The following WASHC4 variants were observed in gnomAD, a reference collection of about 807,000 sequenced individuals.
The protein encoded by WASHC4 is WASH complex subunit 7.
A neutral mutation model predicts 166.6 loss-of-function variants in WASHC4; 86 were observed. The observed-to-expected ratio is 0.52, with a 90% CI of 0.43 to 0.62. The LOEUF (loss-of-function observed/expected upper bound fraction) is 0.62. WASHC4 is among the 20% of genes least tolerant of loss of function. The probability of loss-of-function intolerance (pLI) is 0.00; values close to 1 mark genes in which losing one functional copy is unlikely to be tolerated. For synonymous variants in WASHC4, 446 were observed against 451.6 expected, an observed-to-expected ratio of 0.99 and a Z score of 0.16; for missense variants, 1,262 against 1,382.4, an observed-to-expected ratio of 0.91 and a Z score of 1.38.
chr12:105,160,727 A>G (rs572428340), intron 29 of WASHC4, among the ~76,000 whole-genome samples: 8 of 152,312 alleles, frequency 5.3e-5, no homozygotes, highest in Non-Finnish European at 1.0e-4. Context: ...AGTATATGCC[A>G]TAGAATCTTT....
chr12:105,127,878 T>G (rs1221829208), intron 13 of WASHC4, among the ~76,000 whole-genome samples: 2 of 152,184 alleles, frequency 1.3e-5, no homozygotes, highest in African/African-American at 4.8e-5. Flanking sequence ...TTATCTCTTA[T>G]TGTGTAAATT....
intron 18 of WASHC4, 68 bp downstream of exon 18, chr12:105,141,314 T>C (rs1882830088): frequency 1.8e-6 from 2 of 1,097,032 alleles, no homozygotes; most frequent in South Asian, 1.2e-5. Flanking sequence ...ATTTTCTTTT[T>C]AGCATAGCAA....
At position 105,140,922 on chromosome 12, in the gene WASHC4, A is replaced by G. The variant is rs1466642804; in HGVS notation, c.1584A>G (p.Lys528=). 2 of 1,614,022 alleles carry G rather than the reference A, an allele frequency of 1.2e-6. No individual in the cohort carries two copies. The highest frequency in any genetic ancestry group is 1.3e-5 in the African/African-American group (1 of 74,944). Residue 528 remains lysine (K), a synonymous_variant, in exon 17 of 33, where the codon AAA becomes AAG. Transcript: ENST00000332180. ...VAKKRVISDK[K]YSEQRLDVLS... ...AGAAAAGAGTGATTTCTGACAAAAA[A>G]TACAGCGAACAGCGTCTTGATGTGC...
At chr12:105,140,462 G>C in intron 16 of WASHC4, 61 bp downstream of exon 16, 1 of 1,219,554 alleles carries the variant, frequency 8.2e-7, no homozygotes, top group South Asian at 1.2e-5. Context: ...TTCTTTCATT[G>C]TTTTATATGT....
At chr12:105,151,270 A>G (rs1883754310) in intron 25 of WASHC4, among the ~76,000 whole-genome samples, 1 of 152,032 alleles carries the variant, frequency 6.6e-6, no homozygotes, top group Non-Finnish European at 1.5e-5. Context: ...GCATGTAGCC[A>G]TGTGGATTGA....
chr12:105,136,235 C>T (rs191384090), intron 14 of WASHC4, among the ~76,000 whole-genome samples: 25 of 152,234 alleles, frequency 1.6e-4, no homozygotes, highest in African/African-American at 4.6e-4. Context: ...TTTTATTTCC[C>T]TTCCCTGTGA....
chr12:105,166,179 T>G (rs1174277610), intron 32 of WASHC4, among the ~76,000 whole-genome samples: 1 of 152,210 alleles, frequency 6.6e-6, no homozygotes, highest in African/African-American at 2.4e-5. Flanking sequence ...TGTTATGTTA[T>G]CACTCACATC....
chr12:105,146,970 CT>C, intron 23 of WASHC4, 71 bp from the exon 24 acceptor site: 1 of 837,834 alleles, frequency 1.2e-6, no homozygotes, highest in Non-Finnish European at 2.1e-6. Flanking sequence ...CTAAAATTTT[CT>C]TTGGATACCT....
intron 7 of WASHC4, among the ~76,000 whole-genome samples, chr12:105,120,305 A>G (rs1281841686): frequency 6.6e-6 from 1 of 152,232 alleles, no homozygotes; most frequent in African/African-American, 2.4e-5. Flanking sequence ...AGGCAAGAAT[A>G]CTATTAGGTT....
rs572100681 is a variant in WASHC4 at position 105,143,007 on chromosome 12, G to A, written c.1894-120G>A. ...TCTTTAGGAAAGTTAAGACAGTTGT[G>A]GAAAATCATTTTTCCTTCAGATCGA... On this transcript the variant is annotated intron_variant, in intron 19 of 32. Coordinates refer to ENST00000332180, the MANE Select transcript of WASHC4 (RefSeq NM_015275.3). 31 of 705,522 alleles carry A rather than the reference G, an allele frequency of 4.4e-5. No individual in the cohort carries two copies. In the African/African-American group the frequency reaches 5.2e-4, roughly 12 times the overall value. The allele number at this position is 705,522 out of a possible 1,614,324, so 43.7% of individuals were successfully genotyped here. A position where few individuals can be genotyped will look rare whatever the true frequency, so the allele number is the denominator to read the frequency against.
In WASHC4 at chr12:105,140,414, T is replaced by C; in HGVS notation, c.1560+13T>C. ...TTCTGTGGCCAAGGTATGCAGCTTA[T>C]TATGTATTTAGCATAAGTATGTTAT... On this transcript the variant is annotated intron_variant, in intron 16 of 32. Coordinates refer to ENST00000332180, the MANE Select transcript of WASHC4 (RefSeq NM_015275.3). The C allele has an allele frequency of 1.3e-6, 2 of 1,530,584 alleles. No homozygotes were observed. Among genetic ancestry groups the C allele is most frequent in the Non-Finnish European group, 1.8e-6 (2 of 1,103,960 alleles). The allele number at this position is 1,530,584 out of a possible 1,614,324, so 94.8% of individuals were successfully genotyped here. A position where few individuals can be genotyped will look rare whatever the true frequency, so the allele number is the denominator to read the frequency against.
chr12:105,167,138 T>C lies in WASHC4; in HGVS notation c.*207T>C. On this transcript the variant is annotated 3_prime_UTR_variant, in exon 33 of 33. Coordinates refer to ENST00000332180, the MANE Select transcript of WASHC4 (RefSeq NM_015275.3). ...AAAGGTTAAGAATGAGATTTTAAAA[T>C]TGGATTTTTGCCTGGACTTGAGGGT... 1.9e-6 allele frequency: 1 copy of C among 534,552 alleles called. No individual in the cohort carries two copies. Among genetic ancestry groups the C allele is most frequent in the East Asian group, 3.1e-5 (1 of 32,306 alleles). The allele number at this position is 534,552 out of a possible 1,614,324, so 33.1% of individuals were successfully genotyped here.
At chr12:105,117,430 G>C (rs1302500910) in intron 6 of WASHC4, among the ~76,000 whole-genome samples, 3 of 151,974 alleles carry the variant, frequency 2.0e-5, no homozygotes, top group African/African-American at 7.2e-5. Context: ...TATATAGTCT[G>C]TATGTATATC....
intron 14 of WASHC4, among the ~76,000 whole-genome samples, chr12:105,134,470 T>C (rs1467070572): frequency 1.3e-5 from 2 of 152,132 alleles, no homozygotes; most frequent in Admixed American, 1.3e-4. Flanking sequence ...TGTGGATTTG[T>C]CTGTTTATCC....
At chr12:105,109,139 C>A (rs1592832989) in intron 1 of WASHC4, among the ~76,000 whole-genome samples, 1 of 152,112 alleles carries the variant, frequency 6.6e-6, no homozygotes, top group East Asian at 1.9e-4. Flanking sequence ...AGCTCTTATG[C>A]AGCATAAAAA....
chr12:105,122,440 G>A (rs1374192638), intron 10 of WASHC4, among the ~76,000 whole-genome samples: 3 of 151,124 alleles, frequency 2.0e-5, no homozygotes, highest in Non-Finnish European at 4.4e-5. Context: ...TGTATTTGGA[G>A]CAAGAGTTTT....
In WASHC4 at chr12:105,157,298, C is replaced by A; in HGVS notation, c.2888C>A (p.Ala963Glu). Residue 963 changes from alanine (A) to glutamate (E), a missense_variant, in exon 28 of 33, where the codon GCA becomes GAA. Ala to Glu is a moderately radical substitution (Grantham distance 107). Transcript: ENST00000332180. ...GAACTAGTAAAAGAAGAAGGTCTTG[C>A]AGAAGAAACATTAAAAGCAGCAAGG... ...FEELVKEEGL[A>E]EETLKAARHL... is the part of the protein sequence containing the mutation. 1 of 1,553,822 alleles carries A rather than the reference C, an allele frequency of 6.4e-7. No homozygotes were observed. The highest frequency in any genetic ancestry group is 8.9e-7 in the Non-Finnish European group (1 of 1,129,772).
chr12:105,113,171 A>G (rs1565991358), intron 2 of WASHC4, among the ~76,000 whole-genome samples: 2 of 151,992 alleles, frequency 1.3e-5, no homozygotes, highest in African/African-American at 2.4e-5. Flanking sequence ...AACCTGTACT[A>G]TCTCTGAGGG....
In WASHC4 at chr12:105,154,033, C is replaced by CT. The variant is rs34546795; in HGVS notation, c.2758+1597dup. Reference sequence around the variant, plus strand: ...ATTCTCTTCTTAGAAAATATAAATTCTTTTTTTTTTTTTTTGAGACAGAGT... The same window carrying CT: ...ATTCTCTTCTTAGAAAATATAAATTCTTTTTTTTTTTTTTTTGAGACAGAGT... On this transcript the variant is annotated intron_variant, in intron 26 of 32. Transcript: ENST00000332180. 2.8e-3 allele frequency among the ~76,000 whole-genome samples: 391 copies of CT among 139,508 alleles called. 3 individuals are homozygous for CT. In the South Asian group the frequency reaches 0.032, roughly 11 times the overall value. The allele number at this position is 139,508 out of a possible 152,430, so 91.5% of individuals were successfully genotyped here.
Sources: gnomAD v4.1 joint callset for allele counts (sites outside exome capture counted in the v4.1 genomes callset) on GRCh38, gnomAD v4.1.1 for gene constraint, MANE v1.5 for transcripts, NCBI Gene and HGNC (gene_info 2026-07-23, HGNC 2026-07-21) for gene names.